RMI1: variants seen among roughly 807,000 people sequenced by gnomAD.
The protein encoded by RMI1 is RecQ mediated genome instability 1, also known as recQ-mediated genome instability protein 1.
Under a neutral mutation model 46.7 loss-of-function variants are expected in RMI1, and 36 were observed. The observed-to-expected ratio is 0.77, with a 90% CI of 0.59 to 1.02. The LOEUF (loss-of-function observed/expected upper bound fraction) is 1.02, where lower values mean the gene tolerates loss of function less well. Ranked by LOEUF, RMI1 falls within the 50% of genes least tolerant of loss-of-function variation. The probability of loss-of-function intolerance (pLI) is 0.00; values close to 1 mark genes in which losing one functional copy is unlikely to be tolerated. For missense variants in RMI1, 676 were observed against 713.7 expected (o/e 0.95, Z 0.60); for synonymous variants, 250 against 252.9 (o/e 0.99, Z 0.11).
chr9:83,993,887 C>A (rs1957610839), intron 1 of RMI1, among the ~76,000 whole-genome samples: 1 of 151,780 alleles, frequency 6.6e-6, no homozygotes. Context: ...TCAAGCAGTC[C>A]TCTCACCTCA....
At chr9:83,997,045 C>T (rs1306989020) in intron 1 of RMI1, among the ~76,000 whole-genome samples, 1 of 150,456 alleles carries the variant, frequency 6.6e-6, no homozygotes. Flanking sequence ...GATTCCCCCC[C>T]CCTTTTTTTT....
chr9:83,992,786 A>G (rs1196118042), intron 1 of RMI1: 1 of 152,220 alleles, frequency 6.6e-6, no homozygotes, highest in African/African-American at 2.4e-5. Flanking sequence ...CTCAGGTGAT[A>G]GAGCTTTTTT....
At chr9:83,982,891 A>G (rs296892) in intron 1 of RMI1, among the ~76,000 whole-genome samples, 75,510 of 151,956 alleles carry the variant, frequency 0.5, 19,011 homozygotes, top group Middle Eastern at 0.61. Context: ...TCTGTTTGAA[A>G]TTAAGACTTT....
chr9:83,986,011 A>T (rs960462913), intron 1 of RMI1, among the ~76,000 whole-genome samples: 9 of 152,178 alleles, frequency 5.9e-5, no homozygotes, highest in African/African-American at 2.2e-4. Context: ...TCCAAAAAAA[A>T]CCCACCAAAA....
At chr9:83,998,261 A>G (rs1423296544) in intron 1 of RMI1, among the ~76,000 whole-genome samples, 1 of 152,176 alleles carries the variant, frequency 6.6e-6, no homozygotes, top group Non-Finnish European at 1.5e-5. Flanking sequence ...ATATAGTTTA[A>G]AAAATGTTTA....
chr9:83,981,171 T>TG (rs1370149545), intron 1 of RMI1, among the ~76,000 whole-genome samples: 1 of 152,174 alleles, frequency 6.6e-6, no homozygotes, highest in African/African-American at 2.4e-5. Context: ...GGGGCGAGCC[T>TG]GGGAGTACTG....
At chr9:83,982,885 T>A (rs1957440356) in intron 1 of RMI1, among the ~76,000 whole-genome samples, 1 of 152,208 alleles carries the variant, frequency 6.6e-6, no homozygotes, top group South Asian at 2.1e-4. Flanking sequence ...TTATTCTCTG[T>A]TTGAAATTAA....
At chr9:83,990,805 A>T (rs1354912697) in intron 1 of RMI1, among the ~76,000 whole-genome samples, 2 of 150,824 alleles carry the variant, frequency 1.3e-5, no homozygotes, top group Non-Finnish European at 3.0e-5. Flanking sequence ...CTTTCTTTTT[A>T]TTTATTTATT....
At chr9:83,996,098 G>GT (rs1190619605) in intron 1 of RMI1, among the ~76,000 whole-genome samples, 1 of 152,158 alleles carries the variant, frequency 6.6e-6, no homozygotes, top group East Asian at 1.9e-4. Flanking sequence ...ACGTTGGATT[G>GT]TTTTTTCCTG....
At chr9:83,988,318 T>G (rs1170887371) in intron 1 of RMI1, among the ~76,000 whole-genome samples, 1 of 152,212 alleles carries the variant, frequency 6.6e-6, no homozygotes. Context: ...TTTTGTTTTG[T>G]TTTGAAACAG....
rs1259298703 is a variant in RMI1, at chr9:84,001,103, T to A, written c.117T>A (p.Asn39Lys). 1 of 1,614,100 alleles carries A rather than the reference T, an allele frequency of 6.2e-7. No individual in the cohort carries two copies. Among genetic ancestry groups the A allele is most frequent in the South Asian group, 1.1e-5 (1 of 91,084 alleles). Residue 39 changes from asparagine to lysine, a missense_variant, in exon 3 of 3, where the codon AAT (asparagine) becomes AAA (lysine). By Grantham distance (94) the Asn-to-Lys change is moderately conservative. Transcript: ENST00000445877. ...ACINWIQEEN[N>K]NVNLSQAQMN... Reference sequence around the variant, plus strand: ...TTAACTGGATTCAAGAAGAAAATAATAATGTTAACTTGAGTCAGGCCCAAA... The same window carrying A: ...TTAACTGGATTCAAGAAGAAAATAAAAATGTTAACTTGAGTCAGGCCCAAA...
rs2133136400 is a variant in RMI1 at position 84,003,683 on chromosome 9, A to G, written c.*819A>G. On this transcript the variant is annotated 3_prime_UTR_variant, in exon 3 of 3. Transcript: ENST00000445877. ...TTTTGCTGATTATAATATTTGGTAT[A>G]TTTAAGGTAATCTAGTTAACTAGAT... 6.0e-6 allele frequency: 1 copy of G among 166,518 alleles called. No homozygotes were observed. The highest frequency in any genetic ancestry group is 1.5e-5 in the Non-Finnish European group (1 of 68,106). 10.3% of individuals were successfully genotyped at this position (166,518 alleles called of 1,614,324 possible). A position where few individuals can be genotyped will look rare whatever the true frequency, so the allele number is the denominator to read the frequency against.
At position 84,002,237 on chromosome 9, in the gene RMI1, A is replaced by G. The variant is rs1404655266; in HGVS notation, c.1251A>G (p.Lys417=). The G allele has an allele frequency of 1.2e-5, 19 of 1,606,370 alleles. No individual in the cohort carries two copies. Among genetic ancestry groups the G allele is most frequent in the Non-Finnish European group, 1.6e-5 (19 of 1,178,050 alleles). The change falls in exon 3 of 3, where the codon AAA becomes AAG. Residue 417 remains lysine (K), a synonymous_variant. Transcript: ENST00000445877. Reference sequence around the variant, plus strand: ...CCTTAGCCCATGATTTTACAAATAAAGAAAAGAACTTAGAGACAGATAATA... The same window carrying G: ...CCTTAGCCCATGATTTTACAAATAAGGAAAAGAACTTAGAGACAGATAATA... ...NVPLAHDFTN[K]EKNLETDNKI...
At position 83,999,798 on chromosome 9, in the gene RMI1, G is replaced by GT. The variant is rs1399641078; in HGVS notation, c.-37+2dup. ...AAATCCTGTGCTGCTGTTCCTCGTG[G>GT]TAAGTTTTCTTATGGACATAGTAAA... is the stretch of plus-strand genomic sequence containing the variant. On this transcript the variant is annotated splice_donor_variant, in intron 2 of 2. Transcript: ENST00000445877. LOFTEE classifies it low-confidence loss of function (5UTR_SPLICE). 5.3e-5 allele frequency: 8 copies of GT among 152,136 alleles called. No homozygotes were observed. The highest frequency in any genetic ancestry group is 1.9e-4 in the East Asian group (1 of 5,194). 9.4% of individuals were successfully genotyped at this position (152,136 alleles called of 1,614,324 possible).
chr9:83,995,625 A>G (rs1957639928), intron 1 of RMI1, among the ~76,000 whole-genome samples: 1 of 151,676 alleles, frequency 6.6e-6, no homozygotes, highest in Admixed American at 6.6e-5. Context: ...ACGGGGTTTC[A>G]CCATATTGGT....
chr9:83,986,530 C>T (rs1032235553), intron 1 of RMI1, among the ~76,000 whole-genome samples: 24 of 152,062 alleles, frequency 1.6e-4, no homozygotes, highest in African/African-American at 5.6e-4. Flanking sequence ...GATATGTATG[C>T]CTTAATCTTC....
At chr9:83,996,491 C>T (rs7021189) in intron 1 of RMI1, among the ~76,000 whole-genome samples, 76,484 of 151,960 alleles carry the variant, frequency 0.5, 19,494 homozygotes, top group Admixed American at 0.6. Context: ...CTTAAGTTTG[C>T]CATCTGTTCC....
At chr9:83,989,048 A>G (rs975505600) in intron 1 of RMI1, among the ~76,000 whole-genome samples, 3 of 152,088 alleles carry the variant, frequency 2.0e-5, no homozygotes, top group Admixed American at 1.3e-4. Flanking sequence ...TTGTAGAGAC[A>G]AGATCTCAGT....
intron 1 of RMI1, among the ~76,000 whole-genome samples, chr9:83,982,908 C>G (rs1957440796): frequency 6.6e-6 from 1 of 152,012 alleles, no homozygotes; most frequent in Non-Finnish European, 1.5e-5. Context: ...CTTTTCAACC[C>G]AATAATTTTA....
Sources: gnomAD v4.1 joint callset for allele counts (sites outside exome capture counted in the v4.1 genomes callset) on GRCh38, gnomAD v4.1.1 for gene constraint, MANE v1.5 for transcripts, NCBI Gene and HGNC (gene_info 2026-07-23, HGNC 2026-07-21) for gene names.